PIK3C2G: variants seen among roughly 807,000 people sequenced by gnomAD.
PIK3C2G encodes the protein phosphatidylinositol 3-kinase C2 domain-containing subunit gamma.
A neutral mutation model predicts 181.1 loss-of-function variants in PIK3C2G; 168 were observed. The ratio of observed to expected loss-of-function variants is 0.93; its 90% CI spans 0.82 to 1.05. The LOEUF (loss-of-function observed/expected upper bound fraction) is 1.05, where lower values mean the gene tolerates loss of function less well. Ranked by LOEUF, PIK3C2G falls within the 50% of genes least tolerant of loss-of-function variation. The probability of loss-of-function intolerance (pLI) is 0.00; values close to 1 mark genes in which losing one functional copy is unlikely to be tolerated. For missense variants in PIK3C2G, 1,869 were observed against 1,732.8 expected (o/e 1.08, Z -1.40); for synonymous variants, 573 against 592.2 (o/e 0.97, Z 0.47).
intron 16 of PIK3C2G, among the ~76,000 whole-genome samples, chr12:18,409,096 A>G (rs1412045851): frequency 6.6e-6 from 1 of 152,204 alleles, no homozygotes; most frequent in Non-Finnish European, 1.5e-5. Flanking sequence ...ACACATGCAC[A>G]TGTATGTTTA....
the PIK3C2G span, among the ~76,000 whole-genome samples, chr12:18,680,761 A>G: frequency 2.9e-3 from 448 of 152,172 alleles, 4 homozygotes; most frequent in African/African-American, 9.9e-3. Context: ...CATCTCAGTA[A>G]GAGGGTATTA....
At chr12:18,666,406 T>C in the PIK3C2G span, among the ~76,000 whole-genome samples, 1 of 152,066 alleles carries the variant, frequency 6.6e-6, no homozygotes, top group Non-Finnish European at 1.5e-5. Flanking sequence ...TTTATGCAAA[T>C]AGTCTCAAAA....
At chr12:18,431,746 AC>A (rs1227460711) in intron 18 of PIK3C2G, among the ~76,000 whole-genome samples, 1 of 152,110 alleles carries the variant, frequency 6.6e-6, no homozygotes, top group African/African-American at 2.4e-5. Flanking sequence ...TTATTTTTTT[AC>A]CTTTACAATG....
At chr12:18,559,131 G>A (rs1162798518) in intron 26 of PIK3C2G, among the ~76,000 whole-genome samples, 2 of 152,194 alleles carry the variant, frequency 1.3e-5, no homozygotes, top group Non-Finnish European at 2.9e-5. Context: ...CTGGCCTCCT[G>A]TGGAGAAAAG....
chr12:18,255,280 A>C (rs1565524256), intron 1 of PIK3C2G, among the ~76,000 whole-genome samples: 1 of 147,050 alleles, frequency 6.8e-6, no homozygotes, highest in Non-Finnish European at 1.5e-5. Context: ...AATAAATGAA[A>C]GAAAAAAAGA....
intron 19 of PIK3C2G, among the ~76,000 whole-genome samples, chr12:18,489,513 T>C (rs1233616332): frequency 1.3e-5 from 2 of 152,046 alleles, no homozygotes; most frequent in African/African-American, 2.4e-5. Flanking sequence ...CTTCATTTAG[T>C]AGAAGTGCCA....
At chr12:18,358,178 C>T (rs1189886621) in intron 11 of PIK3C2G, among the ~76,000 whole-genome samples, 2 of 152,046 alleles carry the variant, frequency 1.3e-5, no homozygotes, top group Non-Finnish European at 2.9e-5. Flanking sequence ...CTTTTTTCTG[C>T]TCTCATATTT....
At chr12:18,353,501 T>A (rs1940427361) in intron 11 of PIK3C2G, among the ~76,000 whole-genome samples, 1 of 152,192 alleles carries the variant, frequency 6.6e-6, no homozygotes, top group Middle Eastern at 3.2e-3. Flanking sequence ...TTAAACTTTA[T>A]AAGAGAGATA....
chr12:18,261,483 T>C, upstream of PIK3C2G: 1 of 152,044 alleles, frequency 6.6e-6, no homozygotes, highest in East Asian at 1.9e-4. Flanking sequence ...AGCATCACGT[T>C]CCCTTGAAAT....
chr12:18,694,453 A>G, the PIK3C2G span, among the ~76,000 whole-genome samples: 1 of 152,308 alleles, frequency 6.6e-6, no homozygotes, highest in East Asian at 1.9e-4. Flanking sequence ...TAATCAAATG[A>G]TATTCACAGA....
chr12:18,324,234 C>A (rs535110906), intron 7 of PIK3C2G, among the ~76,000 whole-genome samples: 1 of 151,936 alleles, frequency 6.6e-6, no homozygotes, highest in Non-Finnish European at 1.5e-5. Context: ...AAAAAAACCA[C>A]TGCCATTGCC....
At chr12:18,604,058 T>C (rs988612392) in intron 30 of PIK3C2G, among the ~76,000 whole-genome samples, 2 of 152,088 alleles carry the variant, frequency 1.3e-5, no homozygotes, top group African/African-American at 4.8e-5. Flanking sequence ...AATACTAACA[T>C]TGAAGGTAAA....
intron 8 of PIK3C2G, among the ~76,000 whole-genome samples, chr12:18,329,370 T>A (rs1023581124): frequency 6.6e-6 from 1 of 151,956 alleles, no homozygotes; most frequent in Admixed American, 6.6e-5. Flanking sequence ...CACACACCTG[T>A]TTGCCACTTC....
intron 18 of PIK3C2G, among the ~76,000 whole-genome samples, chr12:18,457,595 A>G (rs897525136): frequency 3.3e-5 from 5 of 151,358 alleles, no homozygotes; most frequent in Non-Finnish European, 7.4e-5. Context: ...GCAAGTACAC[A>G]CTCCCCACTC....
intron 30 of PIK3C2G, among the ~76,000 whole-genome samples, chr12:18,599,694 A>C (rs1432013440): frequency 1.0e-5 from 1 of 98,116 alleles, no homozygotes; most frequent in East Asian, 3.1e-4. Flanking sequence ...AAAAAAATAA[A>C]AATAAAAATA....
At chr12:18,663,906 G>A in the PIK3C2G span, among the ~76,000 whole-genome samples, 29 of 152,160 alleles carry the variant, frequency 1.9e-4, 1 homozygote, top group Admixed American at 1.4e-3. Context: ...ATAACCAATA[G>A]CCAAACAACC....
At chr12:18,534,362 C>T (rs1049241458) in intron 24 of PIK3C2G, among the ~76,000 whole-genome samples, 1 of 151,944 alleles carries the variant, frequency 6.6e-6, no homozygotes, top group African/African-American at 2.4e-5. Context: ...CACCAACTCA[C>T]TTCTCACCCC....
chr12:18,568,873 TCTTA>T (rs1399896680), intron 29 of PIK3C2G, among the ~76,000 whole-genome samples: 3 of 152,136 alleles, frequency 2.0e-5, no homozygotes, highest in Non-Finnish European at 4.4e-5. Flanking sequence ...ACATTGTTCT[TCTTA>T]CTATTTTTTT....
chr12:18,395,849 A>G (rs1222170230), intron 15 of PIK3C2G, among the ~76,000 whole-genome samples: 4 of 151,456 alleles, frequency 2.6e-5, no homozygotes. Context: ...CTCTAGGAAA[A>G]CCACACCCCT....
Sources: gnomAD v4.1 joint callset for allele counts (sites outside exome capture counted in the v4.1 genomes callset) on GRCh38, gnomAD v4.1.1 for gene constraint, MANE v1.5 for transcripts, NCBI Gene and HGNC (gene_info 2026-07-23, HGNC 2026-07-21) for gene names.